Variants in CTIF observed in about 807,000 individuals in gnomAD.
The protein encoded by CTIF is CBP80/20-dependent translation initiation factor.
Under a neutral mutation model 66.0 loss-of-function variants are expected in CTIF, and 21 were observed. The ratio of observed to expected loss-of-function variants is 0.32; its 90% CI spans 0.23 to 0.46. The LOEUF (loss-of-function observed/expected upper bound fraction) is 0.46. Among genes scored for constraint, CTIF ranks in the 20% least tolerant of loss-of-function variants. The pLI, the probability that CTIF is intolerant of heterozygous loss-of-function variation, is 1.00. For missense variants in CTIF, 739 were observed against 812.7 expected (o/e 0.91, Z 1.10); for synonymous variants, 345 against 326.4 (o/e 1.06, Z -0.62).
At chr18:48,745,397 C>T (rs2092587892) in intron 7 of CTIF, among the ~76,000 whole-genome samples, 1 of 152,214 alleles carries the variant, frequency 6.6e-6, no homozygotes. Context: ...TACAAGTTTT[C>T]CCTTTGTAAT....
At chr18:48,829,731 C>G (rs1300379578) in intron 10 of CTIF, among the ~76,000 whole-genome samples, 1 of 152,234 alleles carries the variant, frequency 6.6e-6, no homozygotes, top group Non-Finnish European at 1.5e-5. Context: ...GCAAACGGTG[C>G]CCTGCACTAA....
chr18:48,665,280 G>A (rs916771226), intron 5 of CTIF, among the ~76,000 whole-genome samples: 1 of 152,198 alleles, frequency 6.6e-6, no homozygotes, highest in African/African-American at 2.4e-5. Flanking sequence ...CACACTTGGG[G>A]AGCAGCTGGT....
At chr18:48,811,125 T>C (rs1301384775) in intron 9 of CTIF, among the ~76,000 whole-genome samples, 11 of 152,162 alleles carry the variant, frequency 7.2e-5, no homozygotes. Context: ...TTTACTAATC[T>C]CTAGTAATTT....
chr18:48,731,508 C>T (rs1299983909), intron 7 of CTIF, among the ~76,000 whole-genome samples: 1 of 152,238 alleles, frequency 6.6e-6, no homozygotes, highest in South Asian at 2.1e-4. Flanking sequence ...TGGAGAACTG[C>T]ACAAACCACA....
intron 9 of CTIF, among the ~76,000 whole-genome samples, chr18:48,791,952 C>T (rs1372856725): frequency 7.9e-5 from 12 of 152,196 alleles, no homozygotes; most frequent in Admixed American, 7.9e-4. Flanking sequence ...CAAGGCCTAC[C>T]ACGTGCCAGG....
At chr18:48,683,681 T>C (rs957893826) in intron 6 of CTIF, among the ~76,000 whole-genome samples, 1 of 152,158 alleles carries the variant, frequency 6.6e-6, no homozygotes, top group African/African-American at 2.4e-5. Context: ...CTGCTCTCTC[T>C]CCAGAGTGAA....
At chr18:48,547,705 A>G (rs899385858) in intron 1 of CTIF, among the ~76,000 whole-genome samples, 3 of 152,156 alleles carry the variant, frequency 2.0e-5, no homozygotes, top group Admixed American at 6.5e-5. Context: ...CTTCTGCTGG[A>G]AGGGCCTCCA....
intron 6 of CTIF, among the ~76,000 whole-genome samples, chr18:48,684,062 T>C (rs1173287257): frequency 6.6e-6 from 1 of 152,222 alleles, no homozygotes; most frequent in East Asian, 1.9e-4. Flanking sequence ...AAGGTGACTA[T>C]TGGAGCAAAT....
chr18:48,588,932 C>T (rs1478172568), intron 1 of CTIF, among the ~76,000 whole-genome samples: 1 of 152,170 alleles, frequency 6.6e-6, no homozygotes, highest in Admixed American at 6.5e-5. Context: ...CCGGACTTTT[C>T]CCTTTCCCCT....
At chr18:48,657,017 G>T (rs2144831152) in intron 3 of CTIF, among the ~76,000 whole-genome samples, 1 of 152,368 alleles carries the variant, frequency 6.6e-6, no homozygotes, top group South Asian at 2.1e-4. Context: ...AGGACGAGGG[G>T]TGAATGGGCA....
chr18:48,854,189 T>C (rs182778583), intron 10 of CTIF, among the ~76,000 whole-genome samples: 30 of 151,900 alleles, frequency 2.0e-4, no homozygotes, highest in Admixed American at 5.9e-4. Context: ...TCTTAACTTG[T>C]GTGGAATGTG....
chr18:48,661,742 T>C (rs1598823270), intron 3 of CTIF: 3 of 152,210 alleles, frequency 2.0e-5, no homozygotes, highest in African/African-American at 7.2e-5. Flanking sequence ...GAGGGGATGG[T>C]AGCAGCACGC....
chr18:48,734,802 G>A (rs2092485763), intron 7 of CTIF, among the ~76,000 whole-genome samples: 1 of 152,200 alleles, frequency 6.6e-6, no homozygotes, highest in South Asian at 2.1e-4. Context: ...GTCAGGAAGG[G>A]AGGCTCTGTG....
chr18:48,803,572 G>A (rs916144564), intron 9 of CTIF, among the ~76,000 whole-genome samples: 15 of 152,160 alleles, frequency 9.9e-5, no homozygotes, highest in Non-Finnish European at 2.1e-4. Context: ...TGATTGCAGG[G>A]GGCAGCTGTT....
intron 1 of CTIF, among the ~76,000 whole-genome samples, chr18:48,603,000 A>G (rs1378012233): frequency 7.0e-6 from 1 of 143,810 alleles, no homozygotes; most frequent in Non-Finnish European, 1.5e-5. Flanking sequence ...TGGGTGGATG[A>G]ATGAATGGGT....
intron 5 of CTIF, among the ~76,000 whole-genome samples, chr18:48,666,942 A>T (rs1298138491): frequency 2.0e-5 from 3 of 152,176 alleles, no homozygotes; most frequent in African/African-American, 7.2e-5. Context: ...ATGCTTGCCC[A>T]GTGTCCTGTT....
chr18:48,808,905 C>T (rs2068206316), intron 9 of CTIF, among the ~76,000 whole-genome samples: 1 of 152,094 alleles, frequency 6.6e-6, no homozygotes, highest in South Asian at 2.1e-4. Context: ...GTCTTCATTT[C>T]CTTTTCTCCC....
intron 9 of CTIF, among the ~76,000 whole-genome samples, chr18:48,816,928 A>G (rs1173457285): frequency 6.6e-6 from 1 of 152,228 alleles, no homozygotes; most frequent in Non-Finnish European, 1.5e-5. Context: ...TCATCCTCCC[A>G]CATCAGCATT....
At chr18:48,628,849 C>T (rs1275037499) in intron 2 of CTIF, among the ~76,000 whole-genome samples, 4 of 152,214 alleles carry the variant, frequency 2.6e-5, no homozygotes, top group African/African-American at 7.2e-5. Context: ...AGCATCCTGT[C>T]CCTCTTAGCA....
Sources: gnomAD v4.1 joint callset for allele counts (sites outside exome capture counted in the v4.1 genomes callset) on GRCh38, gnomAD v4.1.1 for gene constraint, MANE v1.5 for transcripts, NCBI Gene and HGNC (gene_info 2026-07-23, HGNC 2026-07-21) for gene names.